Variants in ADAM10 observed in about 807,000 individuals in gnomAD.
ADAM10 encodes the protein ADAM metallopeptidase domain 10, also known as disintegrin and metalloproteinase domain-containing protein 10.
ADAM10 carries 17 observed loss-of-function variants against 90.1 expected under a neutral mutation model. That is an observed-to-expected ratio of 0.19 (90% CI 0.13 to 0.28). ADAM10 has a LOEUF of 0.28. Among genes scored for constraint, ADAM10 ranks in the 10% least tolerant of loss-of-function variants. The pLI is 1.00. For missense variants in ADAM10, 610 were observed against 914.3 expected (o/e 0.67, Z 4.29); for synonymous variants, 310 against 298.6 (o/e 1.04, Z -0.40).
At chr15:58,655,742 CTTTTTTTTTTT>C (rs71116585) in intron 5 of ADAM10, among the ~76,000 whole-genome samples, 1 of 39,662 alleles carries the variant, frequency 2.5e-5, no homozygotes, top group African/African-American at 1.0e-4. Context: ...TATATATATT[CTTTTTTTTTTT>C]TTTTTTTTTT....
chr15:58,641,954 G>A (rs1382730455), intron 7 of ADAM10, among the ~76,000 whole-genome samples: 2 of 152,070 alleles, frequency 1.3e-5, no homozygotes, highest in Non-Finnish European at 2.9e-5. Flanking sequence ...ACACCATTGA[G>A]GGCAACTGCT....
chr15:58,632,576 C>A (rs1229346579), intron 9 of ADAM10, among the ~76,000 whole-genome samples: 1 of 152,016 alleles, frequency 6.6e-6, no homozygotes, highest in African/African-American at 2.4e-5. Flanking sequence ...ACTAGTAGGC[C>A]CTTTACAGAA....
Position 58,597,508 on chromosome 15 carries a change from C to A in ADAM10, c.*39G>T. ...GTTTCTCTTTGGAGTGAAGTTTTCCCATTGTAGGCACTAGGAAGAACCAAG... is the reference window on the plus strand; with the variant it reads ...GTTTCTCTTTGGAGTGAAGTTTTCCAATTGTAGGCACTAGGAAGAACCAAG... On this transcript the variant is annotated 3_prime_UTR_variant, in exon 16 of 16. Coordinates refer to ENST00000260408, the MANE Select transcript of ADAM10 (RefSeq NM_001110.4). 6.2e-7 allele frequency: 1 copy of A among 1,613,890 alleles called. No individual in the cohort carries two copies. Among genetic ancestry groups the A allele is most frequent in the Non-Finnish European group, 8.5e-7 (1 of 1,179,980 alleles).
At chr15:58,727,766 T>C (rs1352721283) in intron 1 of ADAM10, among the ~76,000 whole-genome samples, 3 of 151,960 alleles carry the variant, frequency 2.0e-5, no homozygotes, top group Non-Finnish European at 4.4e-5. Context: ...GCTACAGTAA[T>C]AGCTGAAAAA....
Position 58,589,595 on chromosome 15 carries a change from G to C in ADAM10, c.*7952C>G, listed in dbSNP as rs1323068691. The C allele has an allele frequency of 6.6e-6, 1 of 152,252 alleles. No individual in the cohort carries two copies. The highest frequency in any genetic ancestry group is 1.9e-4 in the East Asian group (1 of 5,208). 9.4% of individuals were successfully genotyped at this position (152,252 alleles called of 1,614,324 possible). ...CAGACTGCAGTCCTTTGGGGGCTGTGAAAAATTGCAGCAGGTTGATAAGTG... is the reference window on the plus strand; with the variant it reads ...CAGACTGCAGTCCTTTGGGGGCTGTCAAAAATTGCAGCAGGTTGATAAGTG... On this transcript the variant is annotated 3_prime_UTR_variant, in exon 16 of 16. Coordinates refer to ENST00000260408, the MANE Select transcript of ADAM10 (RefSeq NM_001110.4).
intron 4 of ADAM10, among the ~76,000 whole-genome samples, chr15:58,677,142 T>C (rs926848155): frequency 3.3e-5 from 5 of 152,214 alleles, no homozygotes; most frequent in Non-Finnish European, 7.3e-5. Context: ...AAAAACTCTG[T>C]TTAAGGGAAC....
intron 8 of ADAM10, among the ~76,000 whole-genome samples, chr15:58,639,319 G>C (rs1206298645): frequency 6.6e-6 from 1 of 152,180 alleles, no homozygotes; most frequent in Non-Finnish European, 1.5e-5. Flanking sequence ...GATGGTGCTA[G>C]TCCATGGATC....
chr15:58,663,773 T>G (rs1467116907), intron 5 of ADAM10, among the ~76,000 whole-genome samples: 1 of 152,144 alleles, frequency 6.6e-6, no homozygotes, highest in African/African-American at 2.4e-5. Context: ...TATAATTCTT[T>G]GTTACATTTA....
intron 1 of ADAM10, among the ~76,000 whole-genome samples, chr15:58,727,874 TA>T (rs1266272319): frequency 6.6e-6 from 1 of 151,798 alleles, no homozygotes; most frequent in African/African-American, 2.4e-5. Flanking sequence ...TTTATGTACA[TA>T]AAAAAAGCTT....
At chr15:58,597,758 G>A (rs1322179988) in intron 15 of ADAM10, 117 bp from the exon 16 acceptor site, 1 of 1,009,466 alleles carries the variant, frequency 9.9e-7, no homozygotes, top group Non-Finnish European at 1.4e-6. Context: ...CAATAATATG[G>A]GCCATCAATG....
intron 7 of ADAM10, among the ~76,000 whole-genome samples, chr15:58,641,999 T>C (rs1047705482): frequency 1.3e-5 from 2 of 152,118 alleles, no homozygotes; most frequent in African/African-American, 4.8e-5. Flanking sequence ...GTTTATCTAT[T>C]AACAATTAAC....
At chr15:58,638,680 C>A (rs1896336007) in intron 8 of ADAM10, among the ~76,000 whole-genome samples, 1 of 151,786 alleles carries the variant, frequency 6.6e-6, no homozygotes. Flanking sequence ...CCAGAACTCT[C>A]CCCACCTCAG....
At chr15:58,708,756 G>A (rs767137262) in intron 2 of ADAM10, among the ~76,000 whole-genome samples, 1 of 152,140 alleles carries the variant, frequency 6.6e-6, no homozygotes, top group African/African-American at 2.4e-5. Flanking sequence ...GTTTATATTT[G>A]ACTTGTTGGT....
chr15:58,685,542 G>A (rs1299187770), intron 2 of ADAM10, among the ~76,000 whole-genome samples: 2 of 93,624 alleles, frequency 2.1e-5, no homozygotes, highest in Non-Finnish European at 2.2e-5. Flanking sequence ...GAATATGAAG[G>A]AGAATATATA....
At chr15:58,646,280 A>G in intron 5 of ADAM10, 76 bp from the exon 6 acceptor site, 2 of 1,418,710 alleles carry the variant, frequency 1.4e-6, no homozygotes, top group South Asian at 1.2e-5. Context: ...AATACATACT[A>G]TAAACAATTT....
chr15:58,687,861 G>C (rs1369398001), intron 2 of ADAM10, among the ~76,000 whole-genome samples: 2 of 152,180 alleles, frequency 1.3e-5, no homozygotes, highest in African/African-American at 4.8e-5. Flanking sequence ...TAATTATGGA[G>C]ATGGAGAACC....
rs535262289 is a variant in ADAM10 at position 58,590,380 on chromosome 15, A to G, written c.*7167T>C. On this transcript the variant is annotated 3_prime_UTR_variant, in exon 16 of 16. Transcript: ENST00000260408. ...CTTCACCAGGGCAGGGAAACTGTTAAGTTCACTACTGTATTCTTATCATCT... is the reference window on the plus strand; with the variant it reads ...CTTCACCAGGGCAGGGAAACTGTTAGGTTCACTACTGTATTCTTATCATCT... 2.0e-5 allele frequency: 3 copies of G among 152,374 alleles called. No homozygotes were observed. Among genetic ancestry groups the G allele is most frequent in the Non-Finnish European group, 4.4e-5 (3 of 68,050 alleles). 9.4% of individuals were successfully genotyped at this position (152,374 alleles called of 1,614,324 possible).
At chr15:58,724,451 TG>T (rs1418857868) in intron 1 of ADAM10, among the ~76,000 whole-genome samples, 1 of 152,142 alleles carries the variant, frequency 6.6e-6, no homozygotes, top group Non-Finnish European at 1.5e-5. Flanking sequence ...ATAAAAGATG[TG>T]ACAAGAGAAA....
chr15:58,595,018 T>C lies in ADAM10; in HGVS notation c.*2529A>G, dbSNP rs1350043198. ...TCCTTATTTGCTATGAAGAGAAAAA[T>C]GATGGCTCAAAATTTTAAACAAACT... On this transcript the variant is annotated 3_prime_UTR_variant, in exon 16 of 16. Transcript: ENST00000260408. 1 of 152,078 alleles carries C rather than the reference T, an allele frequency of 6.6e-6. No homozygotes were observed. Among genetic ancestry groups the C allele is most frequent in the Non-Finnish European group, 1.5e-5 (1 of 67,958 alleles). The allele number at this position is 152,078 out of a possible 1,614,324, so 9.4% of individuals were successfully genotyped here.
Sources: gnomAD v4.1 joint callset for allele counts (sites outside exome capture counted in the v4.1 genomes callset) on GRCh38, gnomAD v4.1.1 for gene constraint, MANE v1.5 for transcripts, NCBI Gene and HGNC (gene_info 2026-07-23, HGNC 2026-07-21) for gene names.